The following PATJ variants were observed in gnomAD, a reference collection of about 807,000 sequenced individuals.
PATJ encodes the protein PATJ crumbs cell polarity complex component, also known as inaD-like protein.
In PATJ, 190 loss-of-function variants were observed where a neutral mutation model predicts 224.9. The ratio of observed to expected loss-of-function variants is 0.84; its 90% CI spans 0.75 to 0.95. The LOEUF (loss-of-function observed/expected upper bound fraction) is 0.95. Ranked by LOEUF, PATJ falls within the 40% of genes least tolerant of loss-of-function variation. The pLI, the probability that PATJ is intolerant of heterozygous loss-of-function variation, is 0.00. For synonymous variants in PATJ, 769 were observed against 820.3 expected (o/e 0.94, Z 1.07); for missense variants, 2,121 against 2,270.3 (o/e 0.93, Z 1.34).
chr1:62,050,312 C>A (rs774763559), intron 30 of PATJ, among the ~76,000 whole-genome samples: 1 of 152,110 alleles, frequency 6.6e-6, no homozygotes, highest in Non-Finnish European at 1.5e-5. Context: ...TAACTCAAAC[C>A]GGTTGAAGCA....
rs1230080775 is a variant in PATJ, at chr1:61,776,892, A to AT, written c.849+1564dup. 2.6e-5 allele frequency among the ~76,000 whole-genome samples: 4 copies of AT among 151,922 alleles called. No homozygotes were observed. In the South Asian group the frequency reaches 8.3e-4, roughly 32 times the overall value. On this transcript the variant is annotated intron_variant, in intron 7 of 43. Coordinates refer to ENST00000642238, the MANE Select transcript of PATJ (RefSeq NM_001350145.3). Reference sequence around the variant, plus strand: ...AGGTGCCTGCCACAATGCCCAGCTAATTTTTTGTATTTTTAGTAGAGACGG... The same window carrying AT: ...AGGTGCCTGCCACAATGCCCAGCTAATTTTTTTGTATTTTTAGTAGAGACGG...
At chr1:61,999,857 G>A (rs184523181) in intron 28 of PATJ, among the ~76,000 whole-genome samples, 68 of 152,158 alleles carry the variant, frequency 4.5e-4, no homozygotes, top group African/African-American at 1.4e-3. Context: ...GCTGAGGTGA[G>A]GCAGAGTTGT....
intron 6 of PATJ, among the ~76,000 whole-genome samples, chr1:61,774,817 C>T (rs1221901296): frequency 6.6e-6 from 1 of 152,048 alleles, no homozygotes; most frequent in East Asian, 1.9e-4. Flanking sequence ...TGTAAAAAAT[C>T]TTTATAATAT....
At chr1:62,078,379 T>C (rs1658689018) in intron 31 of PATJ, among the ~76,000 whole-genome samples, 2 of 152,068 alleles carry the variant, frequency 1.3e-5, no homozygotes, top group Non-Finnish European at 2.9e-5. Flanking sequence ...GCCTCCTGGG[T>C]TCAAGCAATT....
Position 62,018,114 on chromosome 1 carries a change from A to T in PATJ, c.3959+167A>T, listed in dbSNP as rs1017302251. Among the ~76,000 whole-genome samples the T allele has an allele frequency of 2.2e-4, 34 of 152,200 alleles. No homozygotes were observed. Among genetic ancestry groups the T allele is most frequent in the African/African-American group, 6.3e-4 (26 of 41,454 alleles). On this transcript the variant is annotated intron_variant, in intron 29 of 43. Transcript: ENST00000642238. The surrounding 1 kb of genome is among the most constrained non-coding windows in gnomAD (Gnocchi z 4.2). ...AAGAAAAGTATTGATTGTTTTGATT[A>T]TGAGATTGTCTTATTTGCTTATGTT...
intron 20 of PATJ, among the ~76,000 whole-genome samples, chr1:61,871,588 A>G (rs1666637499): frequency 9.0e-6 from 1 of 111,726 alleles, no homozygotes; most frequent in Non-Finnish European, 1.7e-5. Context: ...TTTGAGATGG[A>G]ATCTCACTCT....
chr1:61,910,627 GC>G (rs1672497919), intron 25 of PATJ, among the ~76,000 whole-genome samples: 1 of 126,236 alleles, frequency 7.9e-6, no homozygotes, highest in East Asian at 2.7e-4. Flanking sequence ...ACTCACTGAA[GC>G]CCCGATCTCC....
intron 31 of PATJ, among the ~76,000 whole-genome samples, chr1:62,068,775 A>G (rs374607006): frequency 8.5e-5 from 13 of 152,354 alleles, no homozygotes; most frequent in South Asian, 8.3e-4. Context: ...TTCCTGGCCC[A>G]CAAAGCATTT....
chr1:61,976,117 G>A (rs1644114917), intron 27 of PATJ, among the ~76,000 whole-genome samples: 1 of 151,908 alleles, frequency 6.6e-6, no homozygotes, highest in Non-Finnish European at 1.5e-5. Flanking sequence ...TTGCCTATAC[G>A]TGTTCCATGT....
At chr1:62,046,697 T>C (rs1376420797) in intron 30 of PATJ, among the ~76,000 whole-genome samples, 1 of 152,176 alleles carries the variant, frequency 6.6e-6, no homozygotes, top group Admixed American at 6.5e-5. Context: ...CAGAGGAGGT[T>C]CAGGTAGAAT....
intron 18 of PATJ, among the ~76,000 whole-genome samples, chr1:61,861,189 T>C (rs1393726085): frequency 2.6e-5 from 4 of 151,186 alleles, no homozygotes; most frequent in African/African-American, 9.7e-5. Context: ...AAGTTTGTTC[T>C]AATGAAACAA....
At chr1:62,100,192 T>C in intron 33 of PATJ, 1 of 539,700 alleles carries the variant, frequency 1.9e-6, no homozygotes, top group Non-Finnish European at 3.4e-6. Context: ...TTGTGATGGG[T>C]ATTTTGGTTG....
chr1:62,051,190 A>G (rs1252789124), intron 31 of PATJ, 132 bp downstream of exon 31: 4 of 688,600 alleles, frequency 5.8e-6, no homozygotes, highest in East Asian at 5.4e-5. Context: ...ACAAGAAGCT[A>G]TTATATGTAG....
At chr1:62,071,584 C>G (rs557278622) in intron 31 of PATJ, among the ~76,000 whole-genome samples, 212 of 151,214 alleles carry the variant, frequency 1.4e-3, no homozygotes, top group Non-Finnish European at 2.2e-3. Flanking sequence ...CCTCCGCCTC[C>G]CCAGGTAAAA....
Position 61,960,038 on chromosome 1 carries a change from A to G in PATJ, c.3671-30130A>G, listed in dbSNP as rs567855405. ...GCCCCCATTTCTAAAAAATAAATAA[A>G]TAAGTAAATGATGTTTCATGGTTAT... On this transcript the variant is annotated intron_variant, in intron 27 of 43. Coordinates refer to ENST00000642238, the MANE Select transcript of PATJ (RefSeq NM_001350145.3). 4.6e-5 allele frequency among the ~76,000 whole-genome samples: 7 copies of G among 152,206 alleles called. No homozygotes were observed. In the South Asian group the frequency reaches 1.5e-3, roughly 32 times the overall value.
chr1:62,125,186 G>A (rs756177265), intron 39 of PATJ, among the ~76,000 whole-genome samples: 5 of 140,070 alleles, frequency 3.6e-5, no homozygotes, highest in Non-Finnish European at 7.6e-5. Flanking sequence ...GCAGTGAGCC[G>A]TGATCATGCC....
chr1:61,875,686 A>C (rs1667246884), intron 21 of PATJ, among the ~76,000 whole-genome samples: 1 of 152,132 alleles, frequency 6.6e-6, no homozygotes, highest in African/African-American at 2.4e-5. Context: ...ATATATATTA[A>C]AATCTCTGAT....
intron 31 of PATJ, among the ~76,000 whole-genome samples, chr1:62,071,370 A>G (rs1657371088): frequency 6.6e-6 from 1 of 151,738 alleles, no homozygotes; most frequent in African/African-American, 2.4e-5. Context: ...GTGCTCATGT[A>G]TTACTTCATT....
intron 25 of PATJ, among the ~76,000 whole-genome samples, chr1:61,910,262 T>G (rs1004924552): frequency 2.4e-4 from 37 of 152,212 alleles, no homozygotes; most frequent in Non-Finnish European, 3.8e-4. Flanking sequence ...CAATCCAACC[T>G]TTGCTAGTGA....
Sources: gnomAD v4.1 joint callset for allele counts (sites outside exome capture counted in the v4.1 genomes callset) on GRCh38, gnomAD v4.1.1 for gene constraint, Gnocchi (gnomAD v3.1) non-coding constraint, MANE v1.5 for transcripts, NCBI Gene and HGNC (gene_info 2026-07-23, HGNC 2026-07-21) for gene names.